The following ADAMTSL1 variants were observed in gnomAD, a reference collection of about 807,000 sequenced individuals.
ADAMTSL1 encodes the protein ADAMTS-like protein 1.
ADAMTSL1 carries 126 observed loss-of-function variants against 201.8 expected under a neutral mutation model. That is an observed-to-expected ratio of 0.62 (90% CI 0.54 to 0.72). The LOEUF (loss-of-function observed/expected upper bound fraction) is 0.72. Among genes scored for constraint, ADAMTSL1 ranks in the 30% least tolerant of loss-of-function variants. ADAMTSL1 has a pLI of 0.00. For synonymous variants in ADAMTSL1, 1,121 were observed against 903.4 expected, an observed-to-expected ratio of 1.24 and a Z score of -4.32; for missense variants, 2,679 against 2,277.8, an observed-to-expected ratio of 1.18 and a Z score of -3.59.
At chr9:18,317,138 A>G (rs994698152) in intron 2 of ADAMTSL1, among the ~76,000 whole-genome samples, 1 of 152,180 alleles carries the variant, frequency 6.6e-6, no homozygotes, top group Admixed American at 6.5e-5. Flanking sequence ...AGAAAGGCAA[A>G]TACCGTATGA....
chr9:18,792,939 T>G (rs1822148881), intron 19 of ADAMTSL1, among the ~76,000 whole-genome samples: 1 of 152,220 alleles, frequency 6.6e-6, no homozygotes, highest in African/African-American at 2.4e-5. Context: ...TAATGTTTGA[T>G]GGATGAGTGA....
At chr9:17,926,716 C>T (rs1222107651) in intron 1 of ADAMTSL1, among the ~76,000 whole-genome samples, 1 of 152,050 alleles carries the variant, frequency 6.6e-6, no homozygotes, top group African/African-American at 2.4e-5. Flanking sequence ...CCAGAATATC[C>T]CCTTTCTTGT....
chr9:18,639,454 A>G (rs1187578023), intron 7 of ADAMTSL1, 43 bp downstream of exon 7: 5 of 1,588,436 alleles, frequency 3.1e-6, no homozygotes, highest in Admixed American at 1.8e-5. Context: ...CACATCCCAA[A>G]TGATGTTACT....
At chr9:18,061,434 A>G (rs1251127176) in intron 1 of ADAMTSL1, among the ~76,000 whole-genome samples, 1 of 152,100 alleles carries the variant, frequency 6.6e-6, no homozygotes, top group African/African-American at 2.4e-5. Context: ...GGTACTATGA[A>G]CTCTTTCTCT....
chr9:18,773,644 T>C (rs991615302), intron 17 of ADAMTSL1, among the ~76,000 whole-genome samples: 14 of 152,216 alleles, frequency 9.2e-5, no homozygotes, highest in African/African-American at 3.4e-4. Flanking sequence ...TTCCTCAACA[T>C]AGTTATGGAA....
At chr9:18,210,501 T>A (rs1019793248) in intron 2 of ADAMTSL1, among the ~76,000 whole-genome samples, 1 of 147,330 alleles carries the variant, frequency 6.8e-6, no homozygotes, top group Non-Finnish European at 1.5e-5. Flanking sequence ...ATATTAATTA[T>A]ATATGATATA....
At chr9:17,988,970 A>G (rs1463850602) in intron 1 of ADAMTSL1, among the ~76,000 whole-genome samples, 2 of 151,940 alleles carry the variant, frequency 1.3e-5, no homozygotes, top group African/African-American at 4.8e-5. Flanking sequence ...ACTAAGAACA[A>G]AATGATTTTT....
intron 2 of ADAMTSL1, among the ~76,000 whole-genome samples, chr9:18,433,875 G>T (rs1416332182): frequency 6.6e-6 from 1 of 152,158 alleles, no homozygotes; most frequent in Non-Finnish European, 1.5e-5. Context: ...AATTTCTACT[G>T]GATTCAATAC....
intron 1 of ADAMTSL1, among the ~76,000 whole-genome samples, chr9:17,976,461 C>G (rs1818452153): frequency 6.6e-6 from 1 of 151,508 alleles, no homozygotes; most frequent in Non-Finnish European, 1.5e-5. Flanking sequence ...AAATTTGTTC[C>G]TAAGTATCAC....
chr9:18,062,423 A>G (rs921183958), intron 1 of ADAMTSL1, among the ~76,000 whole-genome samples: 1 of 149,876 alleles, frequency 6.7e-6, no homozygotes, highest in Admixed American at 6.6e-5. Context: ...CATAATAAAT[A>G]TAATATTTTA....
chr9:18,476,353 A>G (rs1464812756), intron 1 of ADAMTSL1, among the ~76,000 whole-genome samples: 2 of 152,196 alleles, frequency 1.3e-5, no homozygotes, highest in African/African-American at 4.8e-5. Context: ...TGGAGAGAAT[A>G]GAACATGTTT....
At chr9:18,578,176 A>G (rs1378354521) in intron 4 of ADAMTSL1, among the ~76,000 whole-genome samples, 1 of 152,124 alleles carries the variant, frequency 6.6e-6, no homozygotes, top group Non-Finnish European at 1.5e-5. Context: ...AACATTTTCT[A>G]ATTATGCTCC....
intron 1 of ADAMTSL1, among the ~76,000 whole-genome samples, chr9:17,993,493 A>G (rs1586866352): frequency 6.6e-6 from 1 of 152,104 alleles, no homozygotes; most frequent in East Asian, 1.9e-4. Context: ...TTCTTTGGCT[A>G]TTGGAAATGT....
In ADAMTSL1 at chr9:18,599,064, G is replaced by A. The variant is rs534785006; in HGVS notation, c.475-23179G>A. Among the ~76,000 whole-genome samples the A allele has an allele frequency of 7.9e-5, 12 of 152,180 alleles. 1 individual carries two copies. The South Asian group carries it at 2.5e-3, about 32-fold the overall frequency. On this transcript the variant is annotated intron_variant, in intron 4 of 28. Coordinates refer to ENST00000380548, the MANE Select transcript of ADAMTSL1 (RefSeq NM_001040272.6). ...CTGAGGGTGACTGTCAACTTCTGAGGCAGAAATCTCAGTATTAGGGTTGAT... is the reference window on the plus strand; with the variant it reads ...CTGAGGGTGACTGTCAACTTCTGAGACAGAAATCTCAGTATTAGGGTTGAT...
At chr9:18,450,433 T>A (rs1820360124) in intron 2 of ADAMTSL1, among the ~76,000 whole-genome samples, 2 of 152,286 alleles carry the variant, frequency 1.3e-5, no homozygotes, top group Non-Finnish European at 2.9e-5. Context: ...TGAAAATATA[T>A]TTGCCATGTA....
chr9:17,931,459 T>C (rs1253924362), intron 1 of ADAMTSL1, among the ~76,000 whole-genome samples: 1 of 152,176 alleles, frequency 6.6e-6, no homozygotes, highest in African/African-American at 2.4e-5. Context: ...TTTGGAAAAG[T>C]TGGGAGGAGA....
chr9:18,375,670 G>T (rs963857404), intron 2 of ADAMTSL1, among the ~76,000 whole-genome samples: 1 of 152,182 alleles, frequency 6.6e-6, no homozygotes, highest in East Asian at 1.9e-4. Flanking sequence ...AAGGTGGTGT[G>T]GACCCAAAGA....
At chr9:18,432,684 T>A (rs1378744126) in intron 2 of ADAMTSL1, among the ~76,000 whole-genome samples, 1 of 152,194 alleles carries the variant, frequency 6.6e-6, no homozygotes, top group Admixed American at 6.5e-5. Flanking sequence ...TCTTTTATTG[T>A]CCTTATTTCA....
At chr9:18,537,719 A>G (rs913527969) in intron 3 of ADAMTSL1, among the ~76,000 whole-genome samples, 1 of 151,908 alleles carries the variant, frequency 6.6e-6, no homozygotes, top group African/African-American at 2.4e-5. Context: ...CTACAAAACA[A>G]AAACCAAATA....
Sources: gnomAD v4.1 joint callset for allele counts (sites outside exome capture counted in the v4.1 genomes callset) on GRCh38, gnomAD v4.1.1 for gene constraint, MANE v1.5 for transcripts, NCBI Gene and HGNC (gene_info 2026-07-23, HGNC 2026-07-21) for gene names.